The following FAM168A variants were observed in gnomAD, a reference collection of about 807,000 sequenced individuals.
FAM168A encodes the protein family with sequence similarity 168 member A, also known as protein FAM168A.
In FAM168A, 3 loss-of-function variants were observed where a neutral mutation model predicts 28.5. That is an observed-to-expected ratio of 0.11 (90% CI 0.05 to 0.27). FAM168A has a LOEUF of 0.27. Among genes scored for constraint, FAM168A ranks in the 10% least tolerant of loss-of-function variants. FAM168A has a pLI of 1.00. For synonymous variants in FAM168A, 122 were observed against 124.2 expected (o/e 0.98, Z 0.12); for missense variants, 222 against 311.5 (o/e 0.71, Z 2.16).
At chr11:73,442,836 T>G (rs1263048733) in intron 2 of FAM168A, among the ~76,000 whole-genome samples, 1 of 136,932 alleles carries the variant, frequency 7.3e-6, no homozygotes, top group East Asian at 1.9e-4. Context: ...CTTTCTTTCT[T>G]TCTTTTTTTT....
intron 1 of FAM168A, among the ~76,000 whole-genome samples, chr11:73,534,741 A>G (rs764948224): frequency 6.6e-6 from 1 of 152,160 alleles, no homozygotes; most frequent in Non-Finnish European, 1.5e-5. Flanking sequence ...TGCTAAAATC[A>G]GGGGAATTGA....
chr11:73,408,178 T>G (rs879573194), intron 6 of FAM168A, among the ~76,000 whole-genome samples: 1 of 152,196 alleles, frequency 6.6e-6, no homozygotes, highest in Admixed American at 6.5e-5. Flanking sequence ...GCCTTCCTTT[T>G]ACTTTTCTTT....
intron 2 of FAM168A, among the ~76,000 whole-genome samples, chr11:73,445,419 C>CTCTTTTTTTTTTTTTTTTT (rs776745757): frequency 4.0e-5 from 2 of 50,460 alleles, no homozygotes; most frequent in African/African-American, 1.4e-4. Flanking sequence ...AAAAATGTCT[C>CTCTTTTTTTTTTTTTTTTT]TTTTTTTTTT....
chr11:73,534,699 C>T (rs1198908998), intron 1 of FAM168A, among the ~76,000 whole-genome samples: 1 of 151,926 alleles, frequency 6.6e-6, no homozygotes, highest in African/African-American at 2.4e-5. Flanking sequence ...CCACCACACC[C>T]GGCAGTACCA....
At chr11:73,411,278 AG>A in intron 5 of FAM168A, 115 bp downstream of exon 5, 1 of 1,187,428 alleles carries the variant, frequency 8.4e-7, no homozygotes, top group South Asian at 1.5e-5. Context: ...AAGGACGGCT[AG>A]CCAGAGCCAC....
At chr11:73,501,073 A>G (rs1471064435) in intron 1 of FAM168A, among the ~76,000 whole-genome samples, 3 of 152,202 alleles carry the variant, frequency 2.0e-5, no homozygotes, top group Non-Finnish European at 4.4e-5. Context: ...GCTTTAAACC[A>G]ACAAAGATCA....
intron 1 of FAM168A, among the ~76,000 whole-genome samples, chr11:73,554,788 TCAGACTCC>T (rs897218165): frequency 5.9e-5 from 9 of 152,298 alleles, no homozygotes; most frequent in African/African-American, 2.2e-4. Flanking sequence ...GGAAATCCCA[TCAGACTCC>T]CAGGAGGTCA....
intron 2 of FAM168A, among the ~76,000 whole-genome samples, chr11:73,446,281 T>A (rs1432289159): frequency 6.6e-6 from 1 of 152,236 alleles, no homozygotes; most frequent in African/African-American, 2.4e-5. Flanking sequence ...AAAGGCAACA[T>A]GCTGCAAAGG....
At chr11:73,473,813 TCTTA>T (rs1190359525) in intron 1 of FAM168A, among the ~76,000 whole-genome samples, 2 of 151,944 alleles carry the variant, frequency 1.3e-5, no homozygotes, top group Non-Finnish European at 2.9e-5. Flanking sequence ...TCTCATCCTT[TCTTA>T]CTTTTTTTTT....
In FAM168A at chr11:73,406,724, ATAC is replaced by A. The variant is rs1866513063; in HGVS notation, c.*36_*38del. 1 of 152,672 alleles carries A rather than the reference ATAC, an allele frequency of 6.5e-6. No individual in the cohort carries two copies. The highest frequency in any genetic ancestry group is 1.5e-5 in the Non-Finnish European group (1 of 68,056). 9.5% of individuals were successfully genotyped at this position (152,672 alleles called of 1,614,324 possible). On this transcript the variant is annotated 3_prime_UTR_variant, in exon 8 of 8. Coordinates refer to ENST00000356467, the MANE Select transcript of FAM168A (RefSeq NM_015159.3). ...ACCGGTGTAAGACTTGAGTAGTTGCATACAATGTGTGACTCCAGATCTGCAGAG... is the reference window on the plus strand; with the variant it reads ...ACCGGTGTAAGACTTGAGTAGTTGCAAATGTGTGACTCCAGATCTGCAGAG...
chr11:73,566,884 A>G (rs1188725889), intron 1 of FAM168A, among the ~76,000 whole-genome samples: 1 of 152,242 alleles, frequency 6.6e-6, no homozygotes, highest in Non-Finnish European at 1.5e-5. Flanking sequence ...ACAACTTTAC[A>G]GTGGAAGCAA....
At chr11:73,408,298 A>G (rs1328894636) in intron 6 of FAM168A, among the ~76,000 whole-genome samples, 1 of 152,298 alleles carries the variant, frequency 6.6e-6, no homozygotes, top group South Asian at 2.1e-4. Flanking sequence ...GATCTGATCT[A>G]TTGATATTGG....
intron 1 of FAM168A, among the ~76,000 whole-genome samples, chr11:73,489,364 A>T (rs1285251964): frequency 2.0e-5 from 3 of 151,478 alleles, no homozygotes; most frequent in African/African-American, 7.3e-5. Flanking sequence ...CATTCCCACC[A>T]CTCTACCACC....
chr11:73,496,622 G>A lies in FAM168A; in HGVS notation c.-18-28130C>T, dbSNP rs575481414. 4.1e-4 allele frequency among the ~76,000 whole-genome samples: 62 copies of A among 152,240 alleles called. 1 individual carries two copies. Among genetic ancestry groups the A allele is most frequent in the African/African-American group, 1.5e-3 (61 of 41,568 alleles). On this transcript the variant is annotated intron_variant, in intron 1 of 7. Coordinates refer to ENST00000356467, the MANE Select transcript of FAM168A (RefSeq NM_015159.3). ...GTCGCCCAGGCTGGAGTGCAGTGGCGCGATCTCGGCTTGCTGCAAGCTCCG... is the reference window on the plus strand; with the variant it reads ...GTCGCCCAGGCTGGAGTGCAGTGGCACGATCTCGGCTTGCTGCAAGCTCCG...
chr11:73,534,622 C>T (rs1180287872), intron 1 of FAM168A, among the ~76,000 whole-genome samples: 1 of 151,950 alleles, frequency 6.6e-6, no homozygotes, highest in Non-Finnish European at 1.5e-5. Context: ...AGGCTGGTCT[C>T]GAACTCCTGA....
chr11:73,449,721 T>C (rs187101995), intron 2 of FAM168A, among the ~76,000 whole-genome samples: 22 of 152,314 alleles, frequency 1.4e-4, no homozygotes, highest in African/African-American at 2.6e-4. Context: ...ATTTCAGGCC[T>C]CCTGCCATGC....
At chr11:73,494,501 C>T (rs973712414) in intron 1 of FAM168A, among the ~76,000 whole-genome samples, 12 of 152,188 alleles carry the variant, frequency 7.9e-5, no homozygotes, top group African/African-American at 2.7e-4. Context: ...TGTCTCAGGA[C>T]AGAAGGGCTC....
intron 1 of FAM168A, among the ~76,000 whole-genome samples, chr11:73,544,803 T>C (rs1186093161): frequency 9.1e-6 from 1 of 109,988 alleles, no homozygotes; most frequent in African/African-American, 3.8e-5. Context: ...TATATGTAAT[T>C]ATATATCATA....
chr11:73,513,205 A>ATTTTTTTTTTTTTTTTTT (rs1046600591), intron 1 of FAM168A, among the ~76,000 whole-genome samples: 2 of 109,378 alleles, frequency 1.8e-5, no homozygotes, highest in African/African-American at 3.9e-5. Context: ...TTTTTTTTTA[A>ATTTTTTTTTTTTTTTTTT]TTTTTTTTTT....
Sources: allele counts gnomAD v4.1 joint callset (sites outside exome capture counted in the v4.1 genomes callset), GRCh38; gene constraint gnomAD v4.1.1; transcripts MANE v1.5; gene names NCBI Gene and HGNC (gene_info 2026-07-23, HGNC 2026-07-21).